Variants in PIEZO2 observed in about 807,000 individuals in gnomAD.
PIEZO2 encodes the protein piezo type mechanosensitive ion channel component 2.
A neutral mutation model predicts 337.3 loss-of-function variants in PIEZO2; 172 were observed. The ratio of observed to expected loss-of-function variants is 0.51; its 90% CI spans 0.45 to 0.58. PIEZO2 has a LOEUF of 0.58. Ranked by LOEUF, PIEZO2 falls within the 20% of genes least tolerant of loss-of-function variation. The probability of loss-of-function intolerance (pLI) is 0.00; values close to 1 mark genes in which losing one functional copy is unlikely to be tolerated. For missense variants in PIEZO2, 3,028 were observed against 3,391.3 expected (o/e 0.89, Z 2.66); for synonymous variants, 1,251 against 1,228.5 (o/e 1.02, Z -0.38).
rs2039533329 is a variant in PIEZO2 at position 11,105,474 on chromosome 18, T to C, written c.65-39252A>G. 1.3e-5 allele frequency among the ~76,000 whole-genome samples: 2 copies of C among 152,120 alleles called. No individual in the cohort carries two copies. Among genetic ancestry groups the C allele is most frequent in the African/African-American group, 4.8e-5 (2 of 41,434 alleles). ...CACGACACACTTCCACACTTCAAACTACCACGTGGTGAGAATCCCAGCACA... is the reference window on the plus strand; with the variant it reads ...CACGACACACTTCCACACTTCAAACCACCACGTGGTGAGAATCCCAGCACA... On this transcript the variant is annotated intron_variant, in intron 1 of 55. Transcript: ENST00000674853. This position sits in a 1 kb window ranked among gnomAD's most constrained non-coding sequence, Gnocchi z 4.3.
intron 2 of PIEZO2, among the ~76,000 whole-genome samples, chr18:11,058,476 T>C (rs2584747): frequency 0.75 from 114,542 of 152,108 alleles, 44,042 homozygotes; most frequent in East Asian, 0.99. Flanking sequence ...CAAACTACTC[T>C]GAGCTAAAGG....
intron 30 of PIEZO2, among the ~76,000 whole-genome samples, chr18:10,744,665 T>G (rs1190063746): frequency 1.3e-5 from 2 of 152,212 alleles, no homozygotes; most frequent in African/African-American, 4.8e-5. Flanking sequence ...TGGGGATTCC[T>G]TCAGGGACTA....
At chr18:10,715,615 G>T (rs1598391992) in intron 38 of PIEZO2, 35 bp downstream of exon 38, 1 of 1,478,010 alleles carries the variant, frequency 6.8e-7, no homozygotes, top group African/African-American at 1.4e-5. Flanking sequence ...TCTTAATGTG[G>T]GAAGGAGCAA....
Position 11,148,453 on chromosome 18 carries a change from T to G in PIEZO2, c.64+72A>C. The G allele has an allele frequency of 2.0e-6, 3 of 1,484,642 alleles. No homozygotes were observed. The highest frequency in any genetic ancestry group is 1.2e-5 in the South Asian group (1 of 82,746). The allele number at this position is 1,484,642 out of a possible 1,614,324, so 92.0% of individuals were successfully genotyped here. Reference sequence around the variant, plus strand: ...CCCAGAGCACCAGAGCCCTTCACTTTGTTAAGAAGTCCCCCACCCAGGCGC... The same window carrying G: ...CCCAGAGCACCAGAGCCCTTCACTTGGTTAAGAAGTCCCCCACCCAGGCGC... On this transcript the variant is annotated intron_variant, in intron 1 of 55. Transcript: ENST00000674853. The surrounding 1 kb of genome is among the most constrained non-coding windows in gnomAD (Gnocchi z 5.2).
rs2036453282 is a variant in PIEZO2, at chr18:10,724,616, G to T, written c.5030-6357C>A. On this transcript the variant is annotated intron_variant, in intron 36 of 55. Transcript: ENST00000674853. This position sits in a 1 kb window ranked among gnomAD's most constrained non-coding sequence, Gnocchi z 5.8. ...CCAGCTGGATGTGACCCCCAAGACAGAATGGTGCTGGACTCGGGGTCTCAG... is the reference window on the plus strand; with the variant it reads ...CCAGCTGGATGTGACCCCCAAGACATAATGGTGCTGGACTCGGGGTCTCAG... 2 of 666,582 alleles carry T rather than the reference G, an allele frequency of 3.0e-6. No individual in the cohort carries two copies. The highest frequency in any genetic ancestry group is 2.7e-5 in the Admixed American group (1 of 37,298). 41.3% of individuals were successfully genotyped at this position (666,582 alleles called of 1,614,324 possible).
At chr18:10,974,005 C>G (rs2034341817) in intron 3 of PIEZO2, among the ~76,000 whole-genome samples, 1 of 152,182 alleles carries the variant, frequency 6.6e-6, no homozygotes, top group Non-Finnish European at 1.5e-5. Context: ...ATTAGCACAA[C>G]TAACGAAGCA....
At chr18:10,808,737 T>C (rs1224140425) in intron 7 of PIEZO2, among the ~76,000 whole-genome samples, 1 of 152,230 alleles carries the variant, frequency 6.6e-6, no homozygotes, top group East Asian at 1.9e-4. Flanking sequence ...CCACTTAGAA[T>C]GGTAGAACTT....
chr18:10,847,198 G>A lies in PIEZO2; in HGVS notation c.917+8155C>T, dbSNP rs2041392298. 6.6e-6 allele frequency among the ~76,000 whole-genome samples: 1 copy of A among 152,230 alleles called. No homozygotes were observed. The highest frequency in any genetic ancestry group is 6.5e-5 in the Admixed American group (1 of 15,286). On this transcript the variant is annotated intron_variant, in intron 7 of 55. Transcript: ENST00000674853. This position sits in a 1 kb window ranked among gnomAD's most constrained non-coding sequence, Gnocchi z 5.7. ...GTATTATTAAATCAGTGGAACCCAT[G>A]TGATGCTCGCTGGCCAGATGACATG...
intron 2 of PIEZO2, among the ~76,000 whole-genome samples, chr18:11,056,335 G>A (rs541170642): frequency 1.8e-3 from 273 of 152,314 alleles, no homozygotes; most frequent in African/African-American, 6.4e-3. Context: ...GGGAATGGGA[G>A]GCTCAGTCCC....
rs1392946692 is a variant in PIEZO2 at position 10,677,961 on chromosome 18, A to T, written c.7953-86T>A. On this transcript the variant is annotated intron_variant, in intron 52 of 55. Coordinates refer to ENST00000674853, the MANE Select transcript of PIEZO2 (RefSeq NM_001378183.1). This position sits in a 1 kb window ranked among gnomAD's most constrained non-coding sequence, Gnocchi z 4.1. ...TACAACATATTTAACTCTTAATTTGATTAATGTCACCACGTTTTCATTGGG... is the reference window on the plus strand; with the variant it reads ...TACAACATATTTAACTCTTAATTTGTTTAATGTCACCACGTTTTCATTGGG... 1 of 1,317,132 alleles carries T rather than the reference A, an allele frequency of 7.6e-7. No homozygotes were observed. Among genetic ancestry groups the T allele is most frequent in the Non-Finnish European group, 1.0e-6 (1 of 985,924 alleles). 81.6% of individuals were successfully genotyped at this position (1,317,132 alleles called of 1,614,324 possible). A position where few individuals can be genotyped will look rare whatever the true frequency, so the allele number is the denominator to read the frequency against.
At position 10,988,966 on chromosome 18, in the gene PIEZO2, A is replaced by G. The variant is rs2584748; in HGVS notation, c.161-9306T>C. 0.4 allele frequency among the ~76,000 whole-genome samples: 60,489 copies of G among 151,958 alleles called. 12,970 individuals carry two copies. Among genetic ancestry groups the G allele is most frequent in the Non-Finnish European group, 0.49 (33,164 of 67,926 alleles). On this transcript the variant is annotated intron_variant, in intron 2 of 55. Transcript: ENST00000674853. This position sits in a 1 kb window ranked among gnomAD's most constrained non-coding sequence, Gnocchi z 4.8. Reference sequence around the variant, plus strand: ...AAATGGGAGGCAATTGTCAAAAGGTACAAAGTTTCAGTTATGCAAGATAAA... The same window carrying G: ...AAATGGGAGGCAATTGTCAAAAGGTGCAAAGTTTCAGTTATGCAAGATAAA...
At chr18:10,986,583 A>T (rs908805794) in intron 2 of PIEZO2, among the ~76,000 whole-genome samples, 21 of 151,964 alleles carry the variant, frequency 1.4e-4, no homozygotes, top group African/African-American at 4.6e-4. Context: ...CCTTAACACA[A>T]CGAAAACCAT....
intron 48 of PIEZO2, 119 bp from the exon 49 acceptor site, chr18:10,689,921 T>C (rs2034727950): frequency 6.7e-6 from 8 of 1,195,612 alleles, no homozygotes; most frequent in Non-Finnish European, 9.1e-6. Flanking sequence ...AACAATTCTC[T>C]AGGTGACCCT....
At chr18:10,701,852 A>C in intron 43 of PIEZO2, 137 bp downstream of exon 43, 2 of 571,578 alleles carry the variant, frequency 3.5e-6, no homozygotes, top group Non-Finnish European at 5.3e-6. Flanking sequence ...TTTTAAAAAA[A>C]ACATATGAGT....
chr18:10,927,430 C>T (rs1340601047), intron 3 of PIEZO2, among the ~76,000 whole-genome samples: 1 of 152,088 alleles, frequency 6.6e-6, no homozygotes, highest in Non-Finnish European at 1.5e-5. Context: ...CGCCTTGGCT[C>T]CCCCAGGCCA....
In PIEZO2 at chr18:10,695,679, C is replaced by T. The variant is rs574751996; in HGVS notation, c.7190+395G>A. Among the ~76,000 whole-genome samples the T allele has an allele frequency of 9.9e-5, 15 of 152,206 alleles. No homozygotes were observed. In the South Asian group the frequency reaches 2.9e-3, roughly 30 times the overall value. ...GCATCCTCCATTTGTTCATCTATTT[C>T]TCTCATGACTTAGTCTGTGCCTTCT... is the stretch of plus-strand genomic sequence containing the variant. On this transcript the variant is annotated intron_variant, in intron 47 of 55. Coordinates refer to ENST00000674853, the MANE Select transcript of PIEZO2 (RefSeq NM_001378183.1).
Position 10,704,468 on chromosome 18 carries a change from T to C in PIEZO2, c.6184A>G (p.Ile2062Val). ...SMITLLLPIL[I>V]FLWAMLSVPR... Reference sequence around the variant, plus strand: ...ACGGACAACATGGCCCAGAGGAAGATGAGGATGGGAAGCAGGAGCGTGATC... The same window carrying C: ...ACGGACAACATGGCCCAGAGGAAGACGAGGATGGGAAGCAGGAGCGTGATC... The change falls in exon 42 of 56, where the codon ATC (isoleucine) becomes GTC (valine). Residue 2062 changes from isoleucine (I) to valine (V), a missense_variant. This residue lies in a region of PIEZO2 where 1,925 missense variants were observed against 2,051.9 expected (regional missense o/e 0.94). Transcript: ENST00000674853. The C allele has an allele frequency of 6.5e-7, 1 of 1,537,092 alleles. No individual in the cohort carries two copies. Among genetic ancestry groups the C allele is most frequent in the Non-Finnish European group, 8.7e-7 (1 of 1,146,884 alleles).
At chr18:10,809,052 T>G (rs1384637950) in intron 7 of PIEZO2, among the ~76,000 whole-genome samples, 1 of 152,172 alleles carries the variant, frequency 6.6e-6, no homozygotes, top group Non-Finnish European at 1.5e-5. Flanking sequence ...TTACATACCT[T>G]GCCACTGATA....
At chr18:10,917,943 C>T (rs1291568736) in intron 3 of PIEZO2, among the ~76,000 whole-genome samples, 2 of 152,032 alleles carry the variant, frequency 1.3e-5, no homozygotes, top group Non-Finnish European at 2.9e-5. Context: ...ATCAAAGGAG[C>T]CAAGATTTTT....
Sources: gnomAD v4.1 joint callset for allele counts (sites outside exome capture counted in the v4.1 genomes callset) on GRCh38, gnomAD v4.1.1 for gene constraint, gnomAD v4.1.1 regional missense constraint, Gnocchi (gnomAD v3.1) non-coding constraint, MANE v1.5 for transcripts, NCBI Gene and HGNC (gene_info 2026-07-23, HGNC 2026-07-21) for gene names.